Variants in KITLG observed in about 807,000 individuals in gnomAD.
The protein encoded by KITLG is c-Kit ligand.
Under a neutral mutation model 34.1 loss-of-function variants are expected in KITLG, and 13 were observed. The observed-to-expected ratio is 0.38, with a 90% CI of 0.25 to 0.61. The LOEUF (loss-of-function observed/expected upper bound fraction) is 0.61. KITLG is among the 20% of genes least tolerant of loss of function. KITLG has a pLI of 0.60. For missense variants in KITLG, 292 were observed against 318.9 expected (o/e 0.92, Z 0.64); for synonymous variants, 110 against 104.0 (o/e 1.06, Z -0.35).
intron 9 of KITLG, among the ~76,000 whole-genome samples, chr12:88,504,818 C>T (rs964586318): frequency 6.6e-5 from 10 of 152,102 alleles, no homozygotes; most frequent in Admixed American, 6.6e-4. Flanking sequence ...AAGACACATG[C>T]ACATGTATGA....
In KITLG at chr12:88,494,075, G is replaced by A. The variant is rs1053414787; in HGVS notation, c.*3144C>T. The A allele has an allele frequency of 6.6e-6, 1 of 151,878 alleles. No homozygotes were observed. The highest frequency in any genetic ancestry group is 2.4e-5 in the African/African-American group (1 of 41,486). 9.4% of individuals were successfully genotyped at this position (151,878 alleles called of 1,614,324 possible). ...ATATTGCAATAGGACTCACCCCTAA[G>A]GAGTGATCTCTGAGTTTACCATATA... On this transcript the variant is annotated 3_prime_UTR_variant, in exon 10 of 10. Transcript: ENST00000644744.
intron 6 of KITLG, 122 bp downstream of exon 6, chr12:88,515,412 A>G (rs139360224): frequency 1.5e-6 from 1 of 660,598 alleles, no homozygotes; most frequent in East Asian, 2.8e-5. Flanking sequence ...CCATAAAAGG[A>G]ATAACAGTAA....
intron 1 of KITLG, among the ~76,000 whole-genome samples, chr12:88,558,812 G>C (rs77278946): frequency 0.027 from 4,153 of 152,218 alleles, 189 homozygotes; most frequent in African/African-American, 0.094. Context: ...ATTTTAGATA[G>C]TTCATGAGTG....
In KITLG at chr12:88,495,036, A is replaced by C. The variant is rs1427904609; in HGVS notation, c.*2183T>G. ...AAATTGGCAATCCATGTAACTTTCA[A>C]TGGACCAACACATTTAATAAGCAGG... On this transcript the variant is annotated 3_prime_UTR_variant, in exon 10 of 10. Transcript: ENST00000644744. The C allele has an allele frequency of 6.6e-6, 1 of 152,044 alleles. No individual in the cohort carries two copies. Among genetic ancestry groups the C allele is most frequent in the African/African-American group, 2.4e-5 (1 of 41,436 alleles). The allele number at this position is 152,044 out of a possible 1,614,324, so 9.4% of individuals were successfully genotyped here. A position where few individuals can be genotyped will look rare whatever the true frequency, so the allele number is the denominator to read the frequency against.
intron 2 of KITLG, among the ~76,000 whole-genome samples, chr12:88,543,113 T>G (rs1288498438): frequency 1.3e-5 from 2 of 152,120 alleles, no homozygotes; most frequent in Admixed American, 6.6e-5. Context: ...ACCTGTAATT[T>G]TTATTATTAT....
At chr12:88,540,870 T>TA (rs1336744616) in intron 2 of KITLG, among the ~76,000 whole-genome samples, 1 of 152,096 alleles carries the variant, frequency 6.6e-6, no homozygotes, top group Non-Finnish European at 1.5e-5. Context: ...GAGCAGAAAT[T>TA]AAAATGCTAA....
chr12:88,533,523 C>T (rs1002372359), intron 2 of KITLG, among the ~76,000 whole-genome samples: 10 of 152,094 alleles, frequency 6.6e-5, no homozygotes, highest in Non-Finnish European at 1.2e-4. Context: ...CTTTGCTGTC[C>T]GCAACCTTCT....
chr12:88,522,428 T>A (rs893936357), intron 3 of KITLG, among the ~76,000 whole-genome samples: 1 of 874 alleles, frequency 1.1e-3, no homozygotes, highest in Non-Finnish European at 2.6e-3. Flanking sequence ...TGCACAGTCT[T>A]TTTTTTTTTT....
At chr12:88,522,894 A>G (rs1869727335) in intron 3 of KITLG, among the ~76,000 whole-genome samples, 2 of 152,196 alleles carry the variant, frequency 1.3e-5, no homozygotes, top group South Asian at 4.1e-4. Flanking sequence ...GCCTAAAGCT[A>G]GTATCTACCC....
intron 1 of KITLG, among the ~76,000 whole-genome samples, chr12:88,558,258 T>TA (rs1871166645): frequency 6.6e-6 from 1 of 152,066 alleles, no homozygotes; most frequent in African/African-American, 2.4e-5. Flanking sequence ...AATAAATAAA[T>TA]AAATAAATAA....
intron 1 of KITLG, among the ~76,000 whole-genome samples, chr12:88,548,614 G>A (rs1870795309): frequency 6.6e-6 from 1 of 152,088 alleles, no homozygotes; most frequent in Non-Finnish European, 1.5e-5. Context: ...CTTATACCTT[G>A]CTAGCTGAGC....
At chr12:88,548,758 C>G (rs1322101112) in intron 1 of KITLG, among the ~76,000 whole-genome samples, 1 of 152,110 alleles carries the variant, frequency 6.6e-6, no homozygotes, top group Non-Finnish European at 1.5e-5. Context: ...CACATCAGTG[C>G]CTGCTACCTA....
intron 2 of KITLG, among the ~76,000 whole-genome samples, chr12:88,541,942 G>A (rs1183537548): frequency 6.6e-6 from 1 of 152,170 alleles, no homozygotes; most frequent in East Asian, 1.9e-4. Context: ...GATGAAACTG[G>A]TAGGGGCTGC....
At chr12:88,525,122 C>A (rs1869818404) in intron 3 of KITLG, among the ~76,000 whole-genome samples, 1 of 152,120 alleles carries the variant, frequency 6.6e-6, no homozygotes, top group African/African-American at 2.4e-5. Flanking sequence ...AGCTCTTGGG[C>A]AGTTACATTC....
rs1322824770 is a variant in KITLG, at chr12:88,512,072, C to G, written c.604+3462G>C. Among the ~76,000 whole-genome samples, 3 of 152,206 alleles carry G rather than the reference C, an allele frequency of 2.0e-5. No individual in the cohort carries two copies. In the East Asian group the frequency reaches 5.8e-4, roughly 29 times the overall value. On this transcript the variant is annotated intron_variant, in intron 6 of 9. Transcript: ENST00000644744. ...CAGAGAGGAAGAAGTCAATAGACAT[C>G]AACTCTGAGATGACCTATGTGTTGA...
intron 6 of KITLG, among the ~76,000 whole-genome samples, chr12:88,512,971 T>C (rs1032010256): frequency 1.3e-5 from 2 of 151,824 alleles, no homozygotes; most frequent in African/African-American, 4.8e-5. Flanking sequence ...GTACAGGAAA[T>C]AATAAATATG....
rs189632287 is a variant in KITLG, at chr12:88,525,383, A to C, written c.193-6516T>G. ...AGATGGGCTCCTTCAAGATTTGGAA[A>C]TCTAGCATTTTTGCCAAGAGTTAAA... On this transcript the variant is annotated intron_variant, in intron 3 of 9. Coordinates refer to ENST00000644744, the MANE Select transcript of KITLG (RefSeq NM_000899.5). Among the ~76,000 whole-genome samples the C allele has an allele frequency of 1.5e-3, 226 of 152,296 alleles. 1 individual carries two copies. The highest frequency in any genetic ancestry group is 4.0e-3 in the Admixed American group (61 of 15,290).
intron 3 of KITLG, among the ~76,000 whole-genome samples, chr12:88,530,061 C>CT (rs1870026324): frequency 6.6e-6 from 1 of 152,126 alleles, no homozygotes; most frequent in Admixed American, 6.6e-5. Flanking sequence ...ATGATTATAC[C>CT]AGCACAAAAA....
intron 6 of KITLG, 114 bp from the exon 7 acceptor site, chr12:88,507,251 T>C (rs780064488): frequency 4.3e-6 from 3 of 692,942 alleles, no homozygotes; most frequent in Non-Finnish European, 7.8e-6. Flanking sequence ...TATATCTGTT[T>C]AAAGTATTCA....
Sources: gnomAD v4.1 joint callset for allele counts (sites outside exome capture counted in the v4.1 genomes callset) on GRCh38, gnomAD v4.1.1 for gene constraint, MANE v1.5 for transcripts, NCBI Gene and HGNC (gene_info 2026-07-23, HGNC 2026-07-21) for gene names.